Variants in ABHD4 observed in about 807,000 individuals in gnomAD.
ABHD4 encodes the protein (Lyso)-N-acylphosphatidylethanolamine lipase.
Under a neutral mutation model 42.3 loss-of-function variants are expected in ABHD4, and 35 were observed. The observed-to-expected ratio is 0.83, with a 90% confidence interval of 0.63 to 1.10. The LOEUF is 1.10. Ranked by LOEUF, ABHD4 falls within the 50% of genes least tolerant of loss-of-function variation. ABHD4 has a pLI of 0.00. For synonymous variants in ABHD4, 169 were observed against 170.6 expected, an observed-to-expected ratio of 0.99 and a Z score of 0.07; for missense variants, 389 against 454.8, an observed-to-expected ratio of 0.86 and a Z score of 1.32.
rs750781771 is a variant in ABHD4, at chr14:22,601,717, T to C, written c.74T>C (p.Met25Thr). The C allele has an allele frequency of 2.5e-6, 4 of 1,614,036 alleles. No homozygotes were observed. The African/African-American group carries it at 5.3e-5, about 22-fold the overall frequency. Residue 25 changes from methionine (M) to threonine (T), a missense_variant, in exon 2 of 7, where the codon ATG becomes ACG. By Grantham distance (81) the Met-to-Thr change is moderately conservative. Transcript: ENST00000428304. ...SWLPTWRPTS[M>T]SQLKNVEARI... ...CTGCCCACGTGGCGCCCCACTTCCATGTCTCAGCTGAAGAATGTGGAAGCC... is the reference window on the plus strand; with the variant it reads ...CTGCCCACGTGGCGCCCCACTTCCACGTCTCAGCTGAAGAATGTGGAAGCC...
At chr14:22,604,798 C>T (rs1454110119) in intron 4 of ABHD4, among the ~76,000 whole-genome samples, 5 of 151,892 alleles carry the variant, frequency 3.3e-5, no homozygotes, top group African/African-American at 4.8e-5. Flanking sequence ...TCAGTAGAGA[C>T]GGGGTTTCAC....
Position 22,603,446 on chromosome 14 carries a change from T to C in ABHD4, c.169T>C (p.Trp57Arg). 1 of 1,614,098 alleles carries C rather than the reference T, an allele frequency of 6.2e-7. No homozygotes were observed. Among genetic ancestry groups the C allele is most frequent in the Non-Finnish European group, 8.5e-7 (1 of 1,180,006 alleles). ...ATCCCTCCCAAACCAGAATAAGATC[T>C]GGACGGTGACTGTGAGCCCCGAGCA... ...YVSLPNQNKI[W>R]TVTVSPEQND... Residue 57 changes from tryptophan to arginine, a missense_variant, in exon 3 of 7, where the codon TGG becomes CGG. This residue lies in a region of ABHD4 where 102 missense variants were observed against 128.3 expected (regional missense o/e 0.80). Coordinates refer to ENST00000428304, the MANE Select transcript of ABHD4 (RefSeq NM_022060.3).
At chr14:22,606,389 T>C (rs375293860) in intron 4 of ABHD4, 33 bp from the exon 5 acceptor site, 134 of 1,505,064 alleles carry the variant, frequency 8.9e-5, no homozygotes, top group Middle Eastern at 1.7e-4. Flanking sequence ...ACCTCCCAAA[T>C]TGGCCTGTCT....
intron 2 of ABHD4, 142 bp downstream of exon 2, chr14:22,601,897 G>A: frequency 1.4e-6 from 1 of 710,998 alleles, no homozygotes; most frequent in South Asian, 1.7e-5. Flanking sequence ...TCAGTTGTGT[G>A]AGGGAAGAGG....
At position 22,609,832 on chromosome 14, in the gene ABHD4, C is replaced by T. The variant is rs372914678; in HGVS notation, c.861C>T (p.Tyr287=). The T allele has an allele frequency of 4.3e-6, 7 of 1,613,952 alleles. No individual in the cohort carries two copies. Among genetic ancestry groups the T allele is most frequent in the African/African-American group, 1.3e-5 (1 of 74,868 alleles). ...AAGATGTGCCTATCACTATGATCTACGGGTCCGACACCTGGATAGATACCA... is the reference window on the plus strand; with the variant it reads ...AAGATGTGCCTATCACTATGATCTATGGGTCCGACACCTGGATAGATACCA... The part of the protein sequence containing the change: ...IRKDVPITMI[Y]GSDTWIDTST... The change falls in exon 6 of 7, where the codon TAC becomes TAT. Residue 287 remains tyrosine (Y), a synonymous_variant. Transcript: ENST00000428304.
rs774413117 is a variant in ABHD4 at position 22,603,529 on chromosome 14, G to T, written c.252G>T (p.Trp84Cys). 1 of 1,614,164 alleles carries T rather than the reference G, an allele frequency of 6.2e-7. No homozygotes were observed. The highest frequency in any genetic ancestry group is 8.5e-7 in the Non-Finnish European group (1 of 1,180,028). ...VHGFGGGVGL[W>C]ILNMDSLSAR... ...GTTTTGGGGGCGGCGTGGGTCTCTG[G>T]ATCCTCAACATGGACTCACTGAGTG... The change falls in exon 3 of 7, where the codon TGG (tryptophan) becomes TGT (cysteine). Residue 84 changes from tryptophan to cysteine, a missense_variant. Coordinates refer to ENST00000428304, the MANE Select transcript of ABHD4 (RefSeq NM_022060.3).
At chr14:22,609,605 G>T (rs1215189042) in intron 5 of ABHD4, 119 bp from the exon 6 acceptor site, 19 of 1,119,824 alleles carry the variant, frequency 1.7e-5, no homozygotes, top group Non-Finnish European at 3.8e-6. Flanking sequence ...TATTTAATGA[G>T]CCCAGTGTGG....
Position 22,604,083 on chromosome 14 carries a change from A to G in ABHD4, c.640+4A>G. 6.2e-7 allele frequency: 1 copy of G among 1,614,056 alleles called. No homozygotes were observed. The highest frequency in any genetic ancestry group is 1.7e-5 in the Admixed American group (1 of 60,018). On this transcript the variant is annotated splice_donor_region_variant and intron_variant, in intron 4 of 6. Transcript: ENST00000428304. ...CTTCGAGTAGCTGGGCCCTGGGGTG[A>G]GTAGCCTGTAGTATCTCCTTAAAGG...
chr14:22,606,351 A>G, intron 4 of ABHD4, 71 bp from the exon 5 acceptor site: 1 of 1,007,132 alleles, frequency 9.9e-7, no homozygotes, highest in Non-Finnish European at 1.5e-6. Flanking sequence ...TTCTCAAAAC[A>G]TACACAGGCA....
chr14:22,603,894 G>A (rs1218991677), intron 3 of ABHD4, 31 bp from the exon 4 acceptor site: 4 of 1,610,636 alleles, frequency 2.5e-6, no homozygotes, highest in Non-Finnish European at 1.7e-6. Flanking sequence ...AGAATATAAT[G>A]TGTCTTCTCC....
At chr14:22,609,517 G>C (rs984455131) in intron 5 of ABHD4, 2 of 537,022 alleles carry the variant, frequency 3.7e-6, no homozygotes, top group African/African-American at 1.9e-5. Flanking sequence ...ACTGCCATGG[G>C]GTTTTTCACA....
rs61972430 is a variant in ABHD4 at position 22,609,766 on chromosome 14, G to C, written c.795G>C (p.Trp265Cys). The part of the protein sequence containing the change: ...AFKAMMESFG[W>C]ARRPMLERIH... ...AAGCCATGATGGAGTCCTTTGGCTG[G>C]GCCCGGCGCCCTATGCTGGAGCGAA... The change falls in exon 6 of 7, where the codon TGG (tryptophan) becomes TGC (cysteine). Residue 265 changes from tryptophan to cysteine, a missense_variant. Physicochemically the swap from Trp to Cys is radical, Grantham distance 215 (BLOSUM62 -2). Coordinates refer to ENST00000428304, the MANE Select transcript of ABHD4 (RefSeq NM_022060.3). The C allele has an allele frequency of 1.2e-6, 2 of 1,614,104 alleles. No individual in the cohort carries two copies. Among genetic ancestry groups the C allele is most frequent in the Admixed American group, 3.3e-5 (2 of 60,020 alleles).
At chr14:22,606,870 T>A (rs915620768) in intron 5 of ABHD4, among the ~76,000 whole-genome samples, 6 of 152,146 alleles carry the variant, frequency 3.9e-5, no homozygotes, top group Admixed American at 2.0e-4. Context: ...AACATGGTAT[T>A]TTTTTTCTTT....
At chr14:22,598,562 G>A in intron 1 of ABHD4, 1 of 1,255,708 alleles carries the variant, frequency 8.0e-7, no homozygotes, top group Non-Finnish European at 1.1e-6. Flanking sequence ...CGGGGATCCT[G>A]GCTTTCTACC....
Position 22,601,538 on chromosome 14 carries a change from G to A in ABHD4, c.24-129G>A, listed in dbSNP as rs146516665. On this transcript the variant is annotated intron_variant, in intron 1 of 6. Coordinates refer to ENST00000428304, the MANE Select transcript of ABHD4 (RefSeq NM_022060.3). Reference sequence around the variant, plus strand: ...AGCTAGGGAACTGCTGCCTGCCATGGGGGGCAGGTCTCTCAAGGCTAGGAA... The same window carrying A: ...AGCTAGGGAACTGCTGCCTGCCATGAGGGGCAGGTCTCTCAAGGCTAGGAA... 1.6e-3 allele frequency: 1,271 copies of A among 770,770 alleles called. 9 individuals carry two copies. In the African/African-American group the frequency reaches 0.02, roughly 12 times the overall value. 47.7% of individuals were successfully genotyped at this position (770,770 alleles called of 1,614,324 possible). A position where few individuals can be genotyped will look rare whatever the true frequency, so the allele number is the denominator to read the frequency against.
rs750527595 is a variant in ABHD4 at position 22,603,632 on chromosome 14, G to T, written c.355G>T (p.Gly119Trp). The T allele has an allele frequency of 1.7e-5, 28 of 1,614,052 alleles. No homozygotes were observed. Among genetic ancestry groups the T allele is most frequent in the South Asian group, 2.2e-5 (2 of 91,090 alleles). The part of the protein sequence containing the change: ...SRPAFPRDPE[G>W]AEDEFVTSIE... The stretch of plus-strand genomic sequence containing the variant: ...GCCAGCATTCCCAAGGGACCCGGAG[G>T]GGGCTGAGGATGAGTTTGTGACATC... Residue 119 changes from glycine (G) to tryptophan (W), a missense_variant, in exon 3 of 7, where the codon GGG becomes TGG. Physicochemically the swap from Gly to Trp is radical, Grantham distance 184. Coordinates refer to ENST00000428304, the MANE Select transcript of ABHD4 (RefSeq NM_022060.3).
rs747392136 is a variant in ABHD4 at position 22,611,046 on chromosome 14, G to A, written c.*98G>A. 9.6e-7 allele frequency: 1 copy of A among 1,046,310 alleles called. No homozygotes were observed. The highest frequency in any genetic ancestry group is 1.5e-6 in the Non-Finnish European group (1 of 688,658). The allele number at this position is 1,046,310 out of a possible 1,614,324, so 64.8% of individuals were successfully genotyped here. On this transcript the variant is annotated 3_prime_UTR_variant, in exon 7 of 7. Transcript: ENST00000428304. ...CTGTCCTTTCCTCACCAACTAACAT[G>A]TGCCAGCCAGGCAGAGTCTTGTGCT... is the stretch of plus-strand genomic sequence containing the variant.
intron 4 of ABHD4, among the ~76,000 whole-genome samples, chr14:22,605,199 T>C (rs1281220959): frequency 2.0e-5 from 3 of 152,152 alleles, no homozygotes; most frequent in African/African-American, 7.2e-5. Context: ...ATAGTATCAA[T>C]ATCTCCAGCC....
intron 4 of ABHD4, chr14:22,605,871 G>A (rs1456471444): frequency 4.7e-6 from 6 of 1,276,544 alleles, no homozygotes; most frequent in Middle Eastern, 2.1e-4. Context: ...TTGCATGTAT[G>A]TATACCATAA....
Sources: allele counts gnomAD v4.1 joint callset (sites outside exome capture counted in the v4.1 genomes callset), GRCh38; gene constraint gnomAD v4.1.1; regional missense constraint gnomAD v4.1.1; transcripts MANE v1.5; gene names NCBI Gene and HGNC (gene_info 2026-07-23, HGNC 2026-07-21).